The following PARP4 variants were observed in gnomAD, a reference collection of about 807,000 sequenced individuals.
The protein encoded by PARP4 is protein mono-ADP-ribosyltransferase PARP4.
Under a neutral mutation model 187.7 loss-of-function variants are expected in PARP4, and 120 were observed. The ratio of observed to expected loss-of-function variants is 0.64; its 90% confidence interval spans 0.55 to 0.74. PARP4 has a LOEUF of 0.74. PARP4 is among the 30% of genes least tolerant of loss of function. The probability of loss-of-function intolerance (pLI) is 0.00; values close to 1 mark genes in which losing one functional copy is unlikely to be tolerated. For synonymous variants in PARP4, 654 were observed against 740.9 expected (o/e 0.88, Z 1.90); for missense variants, 1,836 against 2,070.5 (o/e 0.89, Z 2.20).
chr13:24,429,020 T>TG (rs1555231944), intron 32 of PARP4, among the ~76,000 whole-genome samples: 4 of 152,280 alleles, frequency 2.6e-5, no homozygotes, highest in Admixed American at 2.6e-4. Flanking sequence ...CTATTTTTTT[T>TG]CTTTCTATAT....
At chr13:24,502,505 A>C (rs1012505969) in intron 2 of PARP4, among the ~76,000 whole-genome samples, 2 of 152,244 alleles carry the variant, frequency 1.3e-5, no homozygotes, top group African/African-American at 4.8e-5. Context: ...CTATGCGTAG[A>C]TACATGGCAG....
intron 1 of PARP4, among the ~76,000 whole-genome samples, chr13:24,507,692 G>A (rs966112565): frequency 6.6e-6 from 1 of 152,180 alleles, no homozygotes; most frequent in African/African-American, 2.4e-5. Flanking sequence ...CCACACTGCA[G>A]CTTCAGGAAA....
At chr13:24,428,480 T>G (rs6490920) in intron 32 of PARP4, among the ~76,000 whole-genome samples, 2 of 152,142 alleles carry the variant, frequency 1.3e-5, no homozygotes, top group Non-Finnish European at 2.9e-5. Context: ...CCAGCCTCAC[T>G]TGACAATATA....
chr13:24,470,064 C>T, intron 15 of PARP4, 39 bp from the exon 16 acceptor site: 1 of 1,564,614 alleles, frequency 6.4e-7, no homozygotes, highest in South Asian at 1.1e-5. Context: ...GATGAGACCA[C>T]ATGGACTACA....
At chr13:24,456,906 A>AAAAAC (rs1232714594) in intron 20 of PARP4, among the ~76,000 whole-genome samples, 3 of 152,280 alleles carry the variant, frequency 2.0e-5, no homozygotes, top group East Asian at 1.9e-4. Flanking sequence ...GTCTCAAAAC[A>AAAAAC]AAAACAAAAC....
intron 10 of PARP4, among the ~76,000 whole-genome samples, 156 bp from the exon 11 acceptor site, chr13:24,486,461 G>A (rs1470437957): frequency 6.6e-6 from 1 of 152,068 alleles, no homozygotes; most frequent in Non-Finnish European, 1.5e-5. Flanking sequence ...TATTATGTAG[G>A]TATTAAAATA....
In PARP4 at chr13:24,492,427, G is replaced by A. The variant is rs930602721; in HGVS notation, c.1047C>T (p.Leu349=). ...NLGLLAKKAD[L]CQLIRDMVNV... is the part of the protein sequence containing the mutation. ...CTATATTTCAGAGGTTTACCTGGCA[G>A]AGGTCTGCTTTCTTAGCCAATAGTC... Residue 349 remains leucine, a synonymous_variant, in exon 9 of 34, where the codon CTC becomes CTT. Transcript: ENST00000381989. 1.2e-6 allele frequency: 2 copies of A among 1,611,022 alleles called. No individual in the cohort carries two copies. Among genetic ancestry groups the A allele is most frequent in the African/African-American group, 2.7e-5 (2 of 74,794 alleles).
intron 8 of PARP4, 104 bp from the exon 9 acceptor site, chr13:24,492,698 C>T: frequency 1.1e-6 from 1 of 909,296 alleles, no homozygotes; most frequent in Non-Finnish European, 1.6e-6. Context: ...CAAGACTATC[C>T]ATTTTCTACT....
intron 1 of PARP4, among the ~76,000 whole-genome samples, chr13:24,504,784 C>T (rs1274968014): frequency 6.6e-6 from 1 of 151,856 alleles, no homozygotes; most frequent in Non-Finnish European, 1.5e-5. Flanking sequence ...ACCTCCACCT[C>T]CTGGATTCAA....
chr13:24,486,979 C>T (rs1224384448), intron 10 of PARP4, among the ~76,000 whole-genome samples: 2 of 151,442 alleles, frequency 1.3e-5, no homozygotes, highest in Non-Finnish European at 2.9e-5. Context: ...AGAAAGTTAT[C>T]GGCCGGGCAT....
At chr13:24,473,755 A>C (rs753521625) in intron 15 of PARP4, among the ~76,000 whole-genome samples, 18 of 152,110 alleles carry the variant, frequency 1.2e-4, no homozygotes, top group Non-Finnish European at 2.6e-4. Context: ...CAAAAGGCAA[A>C]GGTCACCAAC....
chr13:24,473,743 A>C (rs1051685781), intron 15 of PARP4, among the ~76,000 whole-genome samples: 8 of 151,892 alleles, frequency 5.3e-5, no homozygotes, highest in African/African-American at 1.9e-4. Flanking sequence ...CCACCACACC[A>C]TCAAAAGGCA....
At chr13:24,469,147 A>G (rs1367366499) in intron 16 of PARP4, 37 bp from the exon 17 acceptor site, 7 of 1,364,554 alleles carry the variant, frequency 5.1e-6, no homozygotes, top group East Asian at 2.3e-5. Flanking sequence ...CCTTACATGA[A>G]GAGTGACTTC....
At chr13:24,429,211 C>T (rs1055815223) in intron 32 of PARP4, among the ~76,000 whole-genome samples, 3 of 152,136 alleles carry the variant, frequency 2.0e-5, no homozygotes, top group African/African-American at 7.2e-5. Context: ...TGAGATTCTG[C>T]GATTCACCCA....
At chr13:24,465,381 A>G (rs1007063891) in intron 17 of PARP4, among the ~76,000 whole-genome samples, 3 of 152,218 alleles carry the variant, frequency 2.0e-5, no homozygotes, top group African/African-American at 7.2e-5. Flanking sequence ...AAGACATGGA[A>G]TCAATCCAAA....
chr13:24,440,196 G>A (rs191649883), intron 30 of PARP4, among the ~76,000 whole-genome samples: 269 of 152,040 alleles, frequency 1.8e-3, no homozygotes, highest in South Asian at 7.3e-3. Context: ...TCAGGAGTTC[G>A]AGACTAGCCT....
intron 30 of PARP4, among the ~76,000 whole-genome samples, chr13:24,437,681 A>G (rs1454708507): frequency 5.9e-5 from 9 of 152,186 alleles, no homozygotes; most frequent in Non-Finnish European, 1.3e-4. Context: ...TAAGATATGC[A>G]AAGATCAAAA....
intron 30 of PARP4, among the ~76,000 whole-genome samples, chr13:24,435,941 G>T (rs995245742): frequency 7.1e-6 from 1 of 140,272 alleles, no homozygotes; most frequent in African/African-American, 2.6e-5. Context: ...AAAAAAGAAA[G>T]AAAGAAAATA....
chr13:24,504,638 G>A (rs919500882), intron 1 of PARP4, among the ~76,000 whole-genome samples: 9 of 151,790 alleles, frequency 5.9e-5, no homozygotes, highest in Non-Finnish European at 8.8e-5. Flanking sequence ...ATTTTGCATC[G>A]AAATGTGTAT....
Sources: gnomAD v4.1 joint callset for allele counts (sites outside exome capture counted in the v4.1 genomes callset) on GRCh38, gnomAD v4.1.1 for gene constraint, MANE v1.5 for transcripts, NCBI Gene and HGNC (gene_info 2026-07-23, HGNC 2026-07-21) for gene names.